LRMDA: variants seen among roughly 807,000 people sequenced by gnomAD.
LRMDA encodes leucine rich melanocyte differentiation associated.
A neutral mutation model predicts 29.8 loss-of-function variants in LRMDA; 18 were observed. The ratio of observed to expected loss-of-function variants is 0.60; its 90% CI spans 0.42 to 0.90. The LOEUF (loss-of-function observed/expected upper bound fraction) is 0.90, where lower values mean the gene tolerates loss of function less well. Among genes scored for constraint, LRMDA ranks in the 40% least tolerant of loss-of-function variants. LRMDA has a pLI of 0.00. For synonymous variants in LRMDA, 125 were observed against 109.4 expected, an observed-to-expected ratio of 1.14 and a Z score of -0.89; for missense variants, 273 against 273.9, an observed-to-expected ratio of 1.00 and a Z score of 0.02.
chr10:76,413,999 G>A (rs1258790402), intron 6 of LRMDA, among the ~76,000 whole-genome samples: 1 of 152,324 alleles, frequency 6.6e-6, no homozygotes, highest in African/African-American at 2.4e-5. Flanking sequence ...AGGCCATAAG[G>A]CCATATGGCT....
chr10:76,074,569 A>G (rs1014676664), intron 5 of LRMDA, among the ~76,000 whole-genome samples: 3 of 152,178 alleles, frequency 2.0e-5, no homozygotes, highest in Non-Finnish European at 4.4e-5. Flanking sequence ...TTATTAGCCT[A>G]TATAGGGAGG....
intron 6 of LRMDA, among the ~76,000 whole-genome samples, chr10:76,392,487 A>G (rs562249056): frequency 5.3e-5 from 8 of 152,172 alleles, no homozygotes; most frequent in African/African-American, 1.9e-4. Flanking sequence ...TTGGGATTTT[A>G]GAATATTTGT....
chr10:76,558,593 C>CAA lies in LRMDA; in HGVS notation c.*1306_*1307dup, dbSNP rs1184985289. The CAA allele has an allele frequency of 6.6e-6, 1 of 152,144 alleles. No homozygotes were observed. Among genetic ancestry groups the CAA allele is most frequent in the Non-Finnish European group, 1.5e-5 (1 of 68,032 alleles). 9.4% of individuals were successfully genotyped at this position (152,144 alleles called of 1,614,324 possible). A position where few individuals can be genotyped will look rare whatever the true frequency, so the allele number is the denominator to read the frequency against. Reference sequence around the variant, plus strand: ...ATTTTTCTGCTTCTTCCATTTAGACCAAGTGTTCATTGTCCTCCCAGTATT... The same window carrying CAA: ...ATTTTTCTGCTTCTTCCATTTAGACCAAAAGTGTTCATTGTCCTCCCAGTATT... On this transcript the variant is annotated 3_prime_UTR_variant, in exon 7 of 7. Coordinates refer to ENST00000611255, the MANE Select transcript of LRMDA (RefSeq NM_001305581.2).
intron 2 of LRMDA, among the ~76,000 whole-genome samples, chr10:75,608,460 T>C (rs900660850): frequency 2.0e-5 from 3 of 152,054 alleles, no homozygotes; most frequent in Non-Finnish European, 2.9e-5. Flanking sequence ...TACTAGGAAT[T>C]TGCTAAGAGA....
chr10:76,021,518 C>A (rs1165433288), intron 2 of LRMDA, among the ~76,000 whole-genome samples: 2 of 152,148 alleles, frequency 1.3e-5, no homozygotes, highest in Non-Finnish European at 2.9e-5. Context: ...AGAGGCCTGT[C>A]CTAACCTGAG....
chr10:76,438,289 A>G (rs1842265805), intron 6 of LRMDA, among the ~76,000 whole-genome samples: 1 of 152,142 alleles, frequency 6.6e-6, no homozygotes, highest in Non-Finnish European at 1.5e-5. Flanking sequence ...ATTGAGCTTT[A>G]TGACCCCAAA....
At chr10:76,442,666 A>C (rs2132292983) in intron 6 of LRMDA, among the ~76,000 whole-genome samples, 1 of 152,284 alleles carries the variant, frequency 6.6e-6, no homozygotes, top group South Asian at 2.1e-4. Flanking sequence ...CACTGGGTGG[A>C]GTCACAGAGT....
At chr10:76,332,729 G>T (rs1014972719) in intron 6 of LRMDA, among the ~76,000 whole-genome samples, 8 of 152,160 alleles carry the variant, frequency 5.3e-5, no homozygotes, top group Admixed American at 2.0e-4. Flanking sequence ...AAAGAAAAAA[G>T]TATGATATGG....
At position 76,533,146 on chromosome 10, in the gene LRMDA, C is replaced by T. The variant is rs564201965; in HGVS notation, c.602-24063C>T. 1.9e-3 allele frequency among the ~76,000 whole-genome samples: 240 copies of T among 128,854 alleles called. 1 individual carries two copies. Among genetic ancestry groups the T allele is most frequent in the South Asian group, 0.015 (56 of 3,620 alleles). 84.5% of individuals were successfully genotyped at this position (128,854 alleles called of 152,430 possible). A position where few individuals can be genotyped will look rare whatever the true frequency, so the allele number is the denominator to read the frequency against. On this transcript the variant is annotated intron_variant, in intron 6 of 6. Transcript: ENST00000611255. ...ACCACTTGTAGATGGAGAGCGAGAG[C>T]GAGAGTGAGAGAGAGCGAGAGAGAG...
At chr10:75,744,244 T>C (rs890911651) in intron 2 of LRMDA, among the ~76,000 whole-genome samples, 2 of 152,222 alleles carry the variant, frequency 1.3e-5, no homozygotes, top group African/African-American at 4.8e-5. Context: ...CCGTCAGATA[T>C]GACAAATTGT....
intron 6 of LRMDA, among the ~76,000 whole-genome samples, chr10:76,421,644 A>AT (rs1261562990): frequency 6.6e-6 from 1 of 152,120 alleles, no homozygotes; most frequent in Non-Finnish European, 1.5e-5. Flanking sequence ...TCGGCCTTGA[A>AT]TTTTTATTTG....
At chr10:76,067,223 A>C (rs1299425517) in intron 5 of LRMDA, among the ~76,000 whole-genome samples, 2 of 152,168 alleles carry the variant, frequency 1.3e-5, no homozygotes, top group Non-Finnish European at 2.9e-5. Flanking sequence ...TATAGTATTC[A>C]CTGTCTCGTT....
At chr10:75,681,062 G>A (rs550434842) in intron 2 of LRMDA, among the ~76,000 whole-genome samples, 1 of 152,294 alleles carries the variant, frequency 6.6e-6, no homozygotes, top group Non-Finnish European at 1.5e-5. Context: ...GGTGCTGCAT[G>A]AAGGGAAAGG....
intron 2 of LRMDA, among the ~76,000 whole-genome samples, chr10:75,987,636 C>T (rs1589278113): frequency 6.6e-6 from 1 of 152,184 alleles, no homozygotes. Context: ...CACCCCACCC[C>T]ATCACCCTCT....
At chr10:75,454,063 G>A (rs562367160) in intron 2 of LRMDA, among the ~76,000 whole-genome samples, 1 of 152,128 alleles carries the variant, frequency 6.6e-6, no homozygotes, top group Non-Finnish European at 1.5e-5. Flanking sequence ...ACAGACGGAG[G>A]GGGCAGGGAA....
At chr10:75,540,622 G>A (rs948767923) in intron 2 of LRMDA, among the ~76,000 whole-genome samples, 4 of 152,156 alleles carry the variant, frequency 2.6e-5, no homozygotes, top group Non-Finnish European at 5.9e-5. Flanking sequence ...GTCACCAGGG[G>A]AATTTGAAAC....
At chr10:75,695,314 T>C (rs977172395) in intron 2 of LRMDA, among the ~76,000 whole-genome samples, 11 of 152,174 alleles carry the variant, frequency 7.2e-5, no homozygotes, top group Non-Finnish European at 1.6e-4. Context: ...AAATTATCTA[T>C]CAGTTCATTA....
chr10:75,821,157 C>T (rs1208150825), intron 2 of LRMDA, among the ~76,000 whole-genome samples: 1 of 152,158 alleles, frequency 6.6e-6, no homozygotes, highest in Non-Finnish European at 1.5e-5. Context: ...CTTCCTTACT[C>T]ATTCTATGAA....
At chr10:75,584,082 C>T (rs1425466952) in intron 2 of LRMDA, among the ~76,000 whole-genome samples, 4 of 152,166 alleles carry the variant, frequency 2.6e-5, no homozygotes, top group Non-Finnish European at 5.9e-5. Flanking sequence ...CTGTTCTTCC[C>T]TGCCCTCATT....
Sources: gnomAD v4.1 joint callset for allele counts (sites outside exome capture counted in the v4.1 genomes callset) on GRCh38, gnomAD v4.1.1 for gene constraint, MANE v1.5 for transcripts, NCBI Gene and HGNC (gene_info 2026-07-23, HGNC 2026-07-21) for gene names.